Variants in TET3 observed in about 807,000 individuals in gnomAD.
TET3 encodes methylcytosine dioxygenase TET3.
In TET3, 19 loss-of-function variants were observed where a neutral mutation model predicts 141.4. The ratio of observed to expected loss-of-function variants is 0.13; its 90% CI spans 0.09 to 0.20. TET3 has a LOEUF of 0.20. TET3 is among the 10% of genes least tolerant of loss of function. The probability of loss-of-function intolerance (pLI) is 1.00; values close to 1 mark genes in which losing one functional copy is unlikely to be tolerated. For missense variants in TET3, 1,874 were observed against 2,356.9 expected (o/e 0.80, Z 4.24); for synonymous variants, 1,043 against 980.9 (o/e 1.06, Z -1.18).
At chr2:74,056,971 A>G (rs1688253710) in intron 4 of TET3, among the ~76,000 whole-genome samples, 1 of 152,210 alleles carries the variant, frequency 6.6e-6, no homozygotes, top group African/African-American at 2.4e-5. Flanking sequence ...TCTAGAAGCC[A>G]TGCTCTCTGG....
In TET3 at chr2:74,105,252, C is replaced by T. The variant is rs1691431409; in HGVS notation, c.*3076C>T. The T allele has an allele frequency of 2.5e-6, 1 of 398,472 alleles. No homozygotes were observed. Among genetic ancestry groups the T allele is most frequent in the Non-Finnish European group, 4.4e-6 (1 of 226,068 alleles). 24.7% of individuals were successfully genotyped at this position (398,472 alleles called of 1,614,324 possible). The stretch of plus-strand genomic sequence containing the variant: ...GAAATCGATGGCGTCTTAGTCATCT[C>T]CCCAGTGTGCCCTGTCCACGGACAC... On this transcript the variant is annotated 3_prime_UTR_variant, in exon 12 of 12. Coordinates refer to ENST00000409262, the MANE Select transcript of TET3 (RefSeq NM_001287491.2).
chr2:74,064,818 A>G (rs182292519), intron 4 of TET3, among the ~76,000 whole-genome samples: 1 of 152,342 alleles, frequency 6.6e-6, no homozygotes, highest in Admixed American at 6.5e-5. Flanking sequence ...AATGGTAAAT[A>G]TGTCACAAAT....
intron 2 of TET3, chr2:74,002,906 A>G: frequency 1.7e-6 from 1 of 595,552 alleles, no homozygotes; most frequent in Non-Finnish European, 3.0e-6. Context: ...ACAAAAACAC[A>G]CTGGAAGGCG....
chr2:74,115,319 A>G, the TET3 span, among the ~76,000 whole-genome samples: 1 of 152,252 alleles, frequency 6.6e-6, no homozygotes, highest in African/African-American at 2.4e-5. Flanking sequence ...TTTCTCAGGA[A>G]CAGAAAACCA....
At position 74,105,682 on chromosome 2, in the gene TET3, G is replaced by A; in HGVS notation, c.*3506G>A. Reference sequence around the variant, plus strand: ...TGGGAACAGTAGTTTGCAGAGCAAGGGATTTTTAAAGCGCTAAAGCAAGGA... The same window carrying A: ...TGGGAACAGTAGTTTGCAGAGCAAGAGATTTTTAAAGCGCTAAAGCAAGGA... On this transcript the variant is annotated 3_prime_UTR_variant, in exon 12 of 12. Transcript: ENST00000409262. 4.0e-6 allele frequency: 1 copy of A among 252,884 alleles called. No individual in the cohort carries two copies. The highest frequency in any genetic ancestry group is 6.8e-6 in the Non-Finnish European group (1 of 146,920). The allele number at this position is 252,884 out of a possible 1,614,324, so 15.7% of individuals were successfully genotyped here.
At chr2:74,080,335 C>A (rs1689739619) in intron 5 of TET3, among the ~76,000 whole-genome samples, 163 bp from the exon 6 acceptor site, 1 of 152,210 alleles carries the variant, frequency 6.6e-6, no homozygotes, top group Non-Finnish European at 1.5e-5. Context: ...GTCTCCAGAG[C>A]CTTTAGGTAC....
intron 4 of TET3, among the ~76,000 whole-genome samples, chr2:74,060,821 C>T (rs926219379): frequency 6.6e-6 from 1 of 152,244 alleles, no homozygotes; most frequent in Non-Finnish European, 1.5e-5. Context: ...GCACATGTTT[C>T]AGAGAGCACA....
intron 3 of TET3, among the ~76,000 whole-genome samples, chr2:74,031,160 C>T (rs1686664736): frequency 6.6e-6 from 1 of 151,700 alleles, no homozygotes; most frequent in South Asian, 2.1e-4. Context: ...GGGGAGGCTT[C>T]TGAGGGGAGC....
Position 74,046,460 on chromosome 2 carries a change from C to A in TET3, c.543C>A (p.Asp181Glu). Residue 181 changes from aspartate to glutamate, a missense_variant, in exon 4 of 12, where the codon GAC becomes GAA. Physicochemically the swap from Asp to Glu is conservative, Grantham distance 45 (BLOSUM62 2). This residue lies in a region of TET3 where 366 missense variants were observed against 487.0 expected (regional missense o/e 0.75). Transcript: ENST00000409262. The surrounding 1 kb of genome is among the most constrained non-coding windows in gnomAD (Gnocchi z 4.3). Reference protein sequence around the residue: ...GGPWRVDQKPDWEAAPGPAHT... With the variant: ...GGPWRVDQKPEWEAAPGPAHT... ...CTTGGCGGGTAGACCAAAAGCCCGA[C>A]TGGGAGGCTGCCCCAGGCCCAGCTC... The A allele has an allele frequency of 3.1e-6, 5 of 1,610,726 alleles. No individual in the cohort carries two copies. The highest frequency in any genetic ancestry group is 4.2e-6 in the Non-Finnish European group (5 of 1,178,026).
intron 6 of TET3, among the ~76,000 whole-genome samples, chr2:74,081,654 G>C (rs1573876793): frequency 6.6e-6 from 1 of 152,154 alleles, no homozygotes; most frequent in Non-Finnish European, 1.5e-5. Flanking sequence ...TGAGGGAGGC[G>C]GGTAAGATAA....
At chr2:74,058,546 C>A (rs1273563540) in intron 4 of TET3, among the ~76,000 whole-genome samples, 1 of 151,652 alleles carries the variant, frequency 6.6e-6, no homozygotes, top group Admixed American at 6.6e-5. Flanking sequence ...AAGTTGGTCA[C>A]CTATATTAGG....
chr2:74,064,157 T>C (rs1688752012), intron 4 of TET3, among the ~76,000 whole-genome samples: 1 of 152,160 alleles, frequency 6.6e-6, no homozygotes, highest in Non-Finnish European at 1.5e-5. Flanking sequence ...AGTCGGGATA[T>C]AGCTTATAAT....
At chr2:74,095,451 C>G (rs1210678619) in intron 10 of TET3, among the ~76,000 whole-genome samples, 1 of 152,108 alleles carries the variant, frequency 6.6e-6, no homozygotes, top group Non-Finnish European at 1.5e-5. Flanking sequence ...TATTTTCTTC[C>G]AAAATGAAAA....
At chr2:73,988,631 C>G (rs570703917) in intron 2 of TET3, among the ~76,000 whole-genome samples, 1 of 152,278 alleles carries the variant, frequency 6.6e-6, no homozygotes, top group East Asian at 1.9e-4. Flanking sequence ...TCCCTGTTGA[C>G]CTTGCCATGG....
chr2:73,996,837 A>AG (rs1684615637), intron 2 of TET3, among the ~76,000 whole-genome samples: 2 of 152,184 alleles, frequency 1.3e-5, no homozygotes, highest in Non-Finnish European at 2.9e-5. Context: ...TTAACCACTG[A>AG]GGGAGGGATC....
chr2:74,034,515 T>C (rs531934509), intron 3 of TET3, among the ~76,000 whole-genome samples: 12 of 152,032 alleles, frequency 7.9e-5, no homozygotes, highest in Admixed American at 3.3e-4. Flanking sequence ...ACATTTAATT[T>C]TGCTTGCTTG....
intron 3 of TET3, among the ~76,000 whole-genome samples, chr2:74,011,651 A>G (rs757473186): frequency 5.3e-5 from 8 of 152,016 alleles, no homozygotes; most frequent in African/African-American, 1.2e-4. Context: ...CCAGTCCCCT[A>G]TCTTCGGTGA....
At chr2:74,013,328 GATTT>G (rs1685567701) in intron 3 of TET3, among the ~76,000 whole-genome samples, 1 of 151,800 alleles carries the variant, frequency 6.6e-6, no homozygotes, top group Non-Finnish European at 1.5e-5. Flanking sequence ...TGTTTGATTT[GATTT>G]ATTAACATAG....
Position 73,986,540 on chromosome 2 carries a change from G to T in TET3, c.137G>T (p.Gly46Val), listed in dbSNP as rs1378892228. 1.6e-6 allele frequency: 2 copies of T among 1,232,124 alleles called. No individual in the cohort carries two copies. The highest frequency in any genetic ancestry group is 1.6e-5 in the African/African-American group (1 of 64,424). 76.3% of individuals were successfully genotyped at this position (1,232,124 alleles called of 1,614,324 possible). ...SMAGSESQLR[G>V]GGDGRKKRKR... ...GCTGGGAGTGAGTCCCAACTCCGAG[G>T]GGGTGGAGATGGTCGAAAGAAACGG... Residue 46 changes from glycine (G) to valine (V), a missense_variant, in exon 2 of 12, where the codon GGG becomes GTG. By Grantham distance (109) the Gly-to-Val change is moderately radical. Coordinates refer to ENST00000409262, the MANE Select transcript of TET3 (RefSeq NM_001287491.2).
Sources: gnomAD v4.1 joint callset for allele counts (sites outside exome capture counted in the v4.1 genomes callset) on GRCh38, gnomAD v4.1.1 for gene constraint, gnomAD v4.1.1 regional missense constraint, Gnocchi (gnomAD v3.1) non-coding constraint, MANE v1.5 for transcripts, NCBI Gene and HGNC (gene_info 2026-07-23, HGNC 2026-07-21) for gene names.